The following CSMD1 variants were observed in gnomAD, a reference collection of about 807,000 sequenced individuals.
CSMD1 encodes the protein CUB and Sushi multiple domains 1, also known as CUB and sushi domain-containing protein 1.
A neutral mutation model predicts 417.5 loss-of-function variants in CSMD1; 213 were observed. That is an observed-to-expected ratio of 0.51 (90% CI 0.46 to 0.57). The LOEUF is 0.57. Among genes scored for constraint, CSMD1 ranks in the 20% least tolerant of loss-of-function variants. The probability of loss-of-function intolerance (pLI) is 0.00; values close to 1 mark genes in which losing one functional copy is unlikely to be tolerated. For missense variants in CSMD1, 6,923 were observed against 4,529.7 expected, an observed-to-expected ratio of 1.53 and a Z score of -15.17; for synonymous variants, 2,862 against 1,736.8, an observed-to-expected ratio of 1.65 and a Z score of -16.11.
chr8:3,804,871 A>G (rs1800641931), intron 5 of CSMD1, among the ~76,000 whole-genome samples: 1 of 152,182 alleles, frequency 6.6e-6, no homozygotes, highest in Non-Finnish European at 1.5e-5. Context: ...TTACATGATT[A>G]TAAAAAAGTA....
chr8:4,919,308 T>A (rs1277548809), intron 1 of CSMD1, among the ~76,000 whole-genome samples: 1 of 152,186 alleles, frequency 6.6e-6, no homozygotes, highest in Non-Finnish European at 1.5e-5. Flanking sequence ...AACCACGGGT[T>A]AGATGTAAAT....
intron 3 of CSMD1, among the ~76,000 whole-genome samples, chr8:4,376,793 T>C (rs1584980670): frequency 1.3e-5 from 2 of 152,346 alleles, no homozygotes; most frequent in African/African-American, 4.8e-5. Context: ...CTATTTTCTG[T>C]TGTCCGACCT....
intron 1 of CSMD1, among the ~76,000 whole-genome samples, chr8:4,841,741 T>A (rs1800845954): frequency 1.3e-5 from 2 of 151,410 alleles, no homozygotes; most frequent in South Asian, 4.2e-4. Flanking sequence ...TGAAACCCTG[T>A]CTCTACTAAA....
At chr8:3,021,921 A>AATCCCACAGCATCCGGAAAGCACCTGCG (rs1809446874) in intron 51 of CSMD1, among the ~76,000 whole-genome samples, 1 of 133,542 alleles carries the variant, frequency 7.5e-6, no homozygotes, top group Non-Finnish European at 1.6e-5. Context: ...CAGAATGCAC[A>AATCCCACAGCATCCGGAAAGCACCTGCG]ATCCCACAGC....
At chr8:4,993,587 T>C (rs972689607) in intron 1 of CSMD1, among the ~76,000 whole-genome samples, 2 of 152,126 alleles carry the variant, frequency 1.3e-5, no homozygotes, top group Non-Finnish European at 2.9e-5. Flanking sequence ...GAGAAACTCC[T>C]TCCCCTGACC....
At chr8:4,699,611 T>C (rs1185421728) in intron 1 of CSMD1, among the ~76,000 whole-genome samples, 1 of 152,202 alleles carries the variant, frequency 6.6e-6, no homozygotes, top group East Asian at 1.9e-4. Context: ...GCTCTTGGCA[T>C]TTATTTGTTG....
intron 1 of CSMD1, among the ~76,000 whole-genome samples, chr8:4,670,780 G>C (rs918789437): frequency 6.6e-6 from 1 of 152,036 alleles, no homozygotes; most frequent in Admixed American, 6.6e-5. Context: ...ATAATATAAA[G>C]AAAAAAATAA....
chr8:4,715,682 T>G lies in CSMD1; in HGVS notation c.86-78124A>C, dbSNP rs115425365. ...GATTCATCTTAATTTTGGCAACTGT[T>G]CCCTTCTAGGCGTTCAACTCAAACA... On this transcript the variant is annotated intron_variant, in intron 1 of 69. Coordinates refer to ENST00000635120, the MANE Select transcript of CSMD1 (RefSeq NM_033225.6). Among the ~76,000 whole-genome samples the G allele has an allele frequency of 8.9e-3, 1,361 of 152,280 alleles. 28 individuals are homozygous for G. Among genetic ancestry groups the G allele is most frequent in the African/African-American group, 0.031 (1,308 of 41,558 alleles).
intron 5 of CSMD1, among the ~76,000 whole-genome samples, chr8:3,982,194 A>T (rs1813932695): frequency 7.6e-6 from 1 of 131,056 alleles, no homozygotes; most frequent in African/African-American, 2.8e-5. Flanking sequence ...TAATAATATT[A>T]ATAAAAAAAA....
intron 3 of CSMD1, among the ~76,000 whole-genome samples, chr8:4,207,251 A>T (rs1056631889): frequency 2.6e-5 from 4 of 152,202 alleles, no homozygotes; most frequent in Admixed American, 2.6e-4. Flanking sequence ...CATTCCCATT[A>T]TTTCAAGTGA....
At chr8:4,742,458 G>A (rs1432230960) in intron 1 of CSMD1, among the ~76,000 whole-genome samples, 1 of 151,940 alleles carries the variant, frequency 6.6e-6, no homozygotes, top group East Asian at 1.9e-4. Context: ...GGTATTTGGT[G>A]TTTACTTTTA....
At chr8:3,876,470 C>T (rs903115098) in intron 5 of CSMD1, among the ~76,000 whole-genome samples, 1 of 152,064 alleles carries the variant, frequency 6.6e-6, no homozygotes, top group African/African-American at 2.4e-5. Flanking sequence ...TTGGAGAGTC[C>T]TAACAGAATT....
chr8:3,386,243 C>T (rs1310572578), intron 18 of CSMD1, among the ~76,000 whole-genome samples: 4 of 152,230 alleles, frequency 2.6e-5, no homozygotes, highest in Admixed American at 2.6e-4. Flanking sequence ...AGCACCTTCA[C>T]CTGGGGGGCT....
chr8:4,857,185 G>T (rs1801853642), intron 1 of CSMD1, among the ~76,000 whole-genome samples: 1 of 150,434 alleles, frequency 6.6e-6, no homozygotes, highest in Non-Finnish European at 1.5e-5. Flanking sequence ...ATAACGAAAT[G>T]AAGGCAGAAA....
chr8:3,290,175 C>G (rs147905685), intron 25 of CSMD1, among the ~76,000 whole-genome samples: 3,000 of 146,862 alleles, frequency 0.02, 566 homozygotes, highest in African/African-American at 0.078. Context: ...TGTTCTGTTC[C>G]ATTGGTCTCT....
At chr8:4,191,636 G>A (rs757594559) in intron 3 of CSMD1, among the ~76,000 whole-genome samples, 1 of 148,094 alleles carries the variant, frequency 6.8e-6, no homozygotes, top group Non-Finnish European at 1.5e-5. Context: ...AAGATACATT[G>A]AAAGAAAATG....
intron 1 of CSMD1, among the ~76,000 whole-genome samples, chr8:4,794,055 C>A (rs929111713): frequency 6.6e-6 from 1 of 152,182 alleles, no homozygotes. Flanking sequence ...AAATAATTTG[C>A]CTTAAGGTTG....
At chr8:3,818,520 C>A (rs933293645) in intron 5 of CSMD1, among the ~76,000 whole-genome samples, 1 of 152,056 alleles carries the variant, frequency 6.6e-6, no homozygotes, top group African/African-American at 2.4e-5. Flanking sequence ...GCAGATTAGA[C>A]CAGGGTAGGC....
At chr8:4,541,315 G>A (rs1198499838) in intron 2 of CSMD1, among the ~76,000 whole-genome samples, 4 of 152,140 alleles carry the variant, frequency 2.6e-5, no homozygotes, top group African/African-American at 9.7e-5. Context: ...CCCCCATGCA[G>A]TTCTTACAGC....
Sources: gnomAD v4.1 joint callset for allele counts (sites outside exome capture counted in the v4.1 genomes callset) on GRCh38, gnomAD v4.1.1 for gene constraint, MANE v1.5 for transcripts, NCBI Gene and HGNC (gene_info 2026-07-23, HGNC 2026-07-21) for gene names.